The following ROBO1 variants were observed in gnomAD, a reference collection of about 807,000 sequenced individuals.
The protein encoded by ROBO1 is roundabout homolog 1.
In ROBO1, 149 loss-of-function variants were observed where a neutral mutation model predicts 195.9. That is an observed-to-expected ratio of 0.76 (90% CI 0.67 to 0.87). The LOEUF (loss-of-function observed/expected upper bound fraction) is 0.87, where lower values mean the gene tolerates loss of function less well. Ranked by LOEUF, ROBO1 falls within the 40% of genes least tolerant of loss-of-function variation. The pLI is 0.00. For synonymous variants in ROBO1, 816 were observed against 733.2 expected, an observed-to-expected ratio of 1.11 and a Z score of -1.82; for missense variants, 1,933 against 2,068.3, an observed-to-expected ratio of 0.93 and a Z score of 1.27.
Position 79,054,536 on chromosome 3 carries a change from C to G in ROBO1, c.172+70920G>C, listed in dbSNP as rs548920447. ...GTGAAGGCATTGGTTCAGACACCCACAGAGCTATTCTGTGGGCATGGGCCA... is the reference window on the plus strand; with the variant it reads ...GTGAAGGCATTGGTTCAGACACCCAGAGAGCTATTCTGTGGGCATGGGCCA... On this transcript the variant is annotated intron_variant, in intron 3 of 30. Coordinates refer to ENST00000464233, the MANE Select transcript of ROBO1 (RefSeq NM_002941.4). Among the ~76,000 whole-genome samples, 21 of 152,220 alleles carry G rather than the reference C, an allele frequency of 1.4e-4. No individual in the cohort carries two copies. The East Asian group carries it at 3.9e-3, about 28-fold the overall frequency.
intron 3 of ROBO1, among the ~76,000 whole-genome samples, chr3:79,084,956 C>A (rs1487549342): frequency 6.6e-6 from 1 of 152,014 alleles, no homozygotes; most frequent in South Asian, 2.1e-4. Context: ...TTAATTTAAA[C>A]AATATAAAAC....
chr3:79,227,463 T>C (rs1469526040), intron 2 of ROBO1, among the ~76,000 whole-genome samples: 1 of 152,210 alleles, frequency 6.6e-6, no homozygotes, highest in Non-Finnish European at 1.5e-5. Context: ...TTGTTATCCA[T>C]ATATTTCAGA....
intron 2 of ROBO1, among the ~76,000 whole-genome samples, chr3:79,547,122 T>C (rs1015726835): frequency 1.5e-5 from 2 of 137,738 alleles, no homozygotes; most frequent in Admixed American, 8.1e-5. Flanking sequence ...GAGGTGGAGC[T>C]TGCAGTGAGC....
intron 3 of ROBO1, among the ~76,000 whole-genome samples, chr3:78,981,468 T>C (rs189609575): frequency 6.6e-6 from 1 of 152,270 alleles, no homozygotes; most frequent in African/African-American, 2.4e-5. Context: ...GTAAAAAACA[T>C]AATATGAAAT....
chr3:78,733,524 G>A (rs1363704502), intron 5 of ROBO1, among the ~76,000 whole-genome samples: 1 of 151,184 alleles, frequency 6.6e-6, no homozygotes, highest in Non-Finnish European at 1.5e-5. Flanking sequence ...TTAAAAATAG[G>A]GAATTACTAA....
intron 1 of ROBO1, among the ~76,000 whole-genome samples, chr3:79,598,618 A>C (rs558012039): frequency 6.6e-6 from 1 of 152,000 alleles, no homozygotes. Flanking sequence ...TCACTCAAGG[A>C]AAGTCTGAGC....
intron 1 of ROBO1, among the ~76,000 whole-genome samples, chr3:79,667,082 A>C (rs575429085): frequency 1.3e-5 from 2 of 152,068 alleles, no homozygotes; most frequent in Admixed American, 1.3e-4. Context: ...GGATTCGGCC[A>C]GTGAGTAGAT....
chr3:79,076,718 T>C (rs1186936411), intron 3 of ROBO1, among the ~76,000 whole-genome samples: 1 of 151,744 alleles, frequency 6.6e-6, no homozygotes, highest in African/African-American at 2.4e-5. Context: ...GTAAAATACA[T>C]GTGAGACCAT....
chr3:78,613,497 A>T (rs1703934962), intron 28 of ROBO1, among the ~76,000 whole-genome samples: 1 of 152,204 alleles, frequency 6.6e-6, no homozygotes, highest in Non-Finnish European at 1.5e-5. Context: ...CTGACAGCTC[A>T]GTTTTACTAA....
At chr3:78,671,623 G>A (rs1708070346) in intron 10 of ROBO1, among the ~76,000 whole-genome samples, 3 of 151,698 alleles carry the variant, frequency 2.0e-5, no homozygotes, top group Non-Finnish European at 2.9e-5. Context: ...AGATAAACAG[G>A]AAAGCAATGG....
At chr3:79,695,410 T>C (rs1258044101) in intron 1 of ROBO1, among the ~76,000 whole-genome samples, 1 of 151,588 alleles carries the variant, frequency 6.6e-6, no homozygotes, top group Non-Finnish European at 1.5e-5. Flanking sequence ...AGAATTACAA[T>C]GACTTTACTT....
At chr3:78,636,646 G>T (rs1321861383) in intron 22 of ROBO1, among the ~76,000 whole-genome samples, 1 of 151,662 alleles carries the variant, frequency 6.6e-6, no homozygotes, top group Non-Finnish European at 1.5e-5. Context: ...GATAGTAAAT[G>T]GTACTAAGGA....
chr3:79,306,361 C>T (rs912420545), intron 2 of ROBO1, among the ~76,000 whole-genome samples: 7 of 150,458 alleles, frequency 4.7e-5, no homozygotes, highest in African/African-American at 1.7e-4. Flanking sequence ...ATTATTTGAG[C>T]TCTTTCCTTC....
chr3:78,747,954 TTCACA>T (rs2082697037), intron 4 of ROBO1, among the ~76,000 whole-genome samples: 1 of 152,154 alleles, frequency 6.6e-6, no homozygotes, highest in Non-Finnish European at 1.5e-5. Flanking sequence ...TGCTTCCCTT[TTCACA>T]AAAGAGGGAT....
chr3:79,168,710 A>T (rs2081114385), intron 2 of ROBO1, among the ~76,000 whole-genome samples: 1 of 152,014 alleles, frequency 6.6e-6, no homozygotes, highest in Non-Finnish European at 1.5e-5. Context: ...GGCAACATTG[A>T]CTCCATGCCC....
intron 2 of ROBO1, among the ~76,000 whole-genome samples, chr3:79,275,841 C>A (rs937115139): frequency 6.6e-6 from 1 of 151,468 alleles, no homozygotes; most frequent in Non-Finnish European, 1.5e-5. Flanking sequence ...AAACAACGAA[C>A]AATCTGTAAA....
chr3:79,757,046 TG>T (rs1704446087), intron 1 of ROBO1, among the ~76,000 whole-genome samples: 3 of 152,222 alleles, frequency 2.0e-5, no homozygotes, highest in South Asian at 2.1e-4. Context: ...GATCATTGTT[TG>T]TTTATTCATT....
intron 3 of ROBO1, among the ~76,000 whole-genome samples, chr3:79,029,598 A>G (rs543922227): frequency 6.6e-6 from 1 of 152,212 alleles, no homozygotes; most frequent in Non-Finnish European, 1.5e-5. Context: ...GTTTCTTTAG[A>G]CGTGTATATT....
chr3:79,662,091 T>A (rs1290943325), intron 1 of ROBO1, among the ~76,000 whole-genome samples: 4 of 152,018 alleles, frequency 2.6e-5, no homozygotes, highest in Non-Finnish European at 5.9e-5. Flanking sequence ...AAAGTGGCCT[T>A]CTAAATTACT....
Sources: allele counts gnomAD v4.1 joint callset (sites outside exome capture counted in the v4.1 genomes callset), GRCh38; gene constraint gnomAD v4.1.1; transcripts MANE v1.5; gene names NCBI Gene and HGNC (gene_info 2026-07-23, HGNC 2026-07-21).